Variants in PELI2 observed in about 807,000 individuals in gnomAD.
PELI2 encodes the protein E3 ubiquitin-protein ligase pellino homolog 2.
In PELI2, 23 loss-of-function variants were observed where a neutral mutation model predicts 42.3. The ratio of observed to expected loss-of-function variants is 0.54; its 90% CI spans 0.39 to 0.77. The LOEUF is 0.77. PELI2 is among the 30% of genes least tolerant of loss of function. PELI2 has a pLI of 0.00. For synonymous variants in PELI2, 245 were observed against 212.2 expected (o/e 1.15, Z -1.34); for missense variants, 463 against 553.2 (o/e 0.84, Z 1.64).
intron 1 of PELI2, among the ~76,000 whole-genome samples, chr14:56,158,916 C>G (rs1184821990): frequency 6.6e-6 from 1 of 152,074 alleles, no homozygotes; most frequent in Non-Finnish European, 1.5e-5. Flanking sequence ...TTAATATATA[C>G]TCATTTTTAA....
At chr14:56,250,124 T>A (rs1407819219) in intron 2 of PELI2, among the ~76,000 whole-genome samples, 4 of 152,134 alleles carry the variant, frequency 2.6e-5, no homozygotes, top group Non-Finnish European at 5.9e-5. Context: ...TGCCCAAACT[T>A]TGGCTTCAAG....
At chr14:56,232,117 A>G (rs1396045544) in intron 2 of PELI2, among the ~76,000 whole-genome samples, 2 of 152,318 alleles carry the variant, frequency 1.3e-5, no homozygotes, top group East Asian at 1.9e-4. Context: ...GCAATAATTA[A>G]TAGCTTACCA....
chr14:56,255,741 A>C (rs1466350940), intron 2 of PELI2, among the ~76,000 whole-genome samples: 1 of 152,178 alleles, frequency 6.6e-6, no homozygotes, highest in African/African-American at 2.4e-5. Context: ...TGGTGTGATC[A>C]GGTGTGTCAT....
intron 2 of PELI2, among the ~76,000 whole-genome samples, chr14:56,233,590 A>G (rs928655767): frequency 2.0e-5 from 3 of 152,244 alleles, no homozygotes; most frequent in Non-Finnish European, 4.4e-5. Context: ...CTCACAGCTT[A>G]TACAAAAATT....
chr14:56,214,181 C>T (rs1211790735), intron 2 of PELI2, among the ~76,000 whole-genome samples: 1 of 152,066 alleles, frequency 6.6e-6, no homozygotes, highest in Non-Finnish European at 1.5e-5. Context: ...GACTCATTTA[C>T]AAGATTTGTC....
In PELI2 at chr14:56,270,057, C is replaced by T. The variant is rs74625738; in HGVS notation, c.208-9619C>T. Among the ~76,000 whole-genome samples the T allele has an allele frequency of 5.7e-3, 862 of 152,300 alleles. 5 individuals are homozygous for T. The highest frequency in any genetic ancestry group is 8.4e-3 in the Admixed American group (129 of 15,292). ...TGTCTGTGCTTGCTGATAGATTGAG[C>T]GTGCCTGCCCCAGCCCTGTCCAGCA... is the stretch of plus-strand genomic sequence containing the variant. On this transcript the variant is annotated intron_variant, in intron 2 of 5. Coordinates refer to ENST00000267460, the MANE Select transcript of PELI2 (RefSeq NM_021255.3).
Position 56,143,622 on chromosome 14 carries a change from G to GT in PELI2, c.77+24891dup, listed in dbSNP as rs200252111. Among the ~76,000 whole-genome samples the GT allele has an allele frequency of 7.2e-3, 1,092 of 152,268 alleles. 16 individuals carry two copies. The highest frequency in any genetic ancestry group is 0.025 in the African/African-American group (1,040 of 41,540). ...TCTCCTTCATTTAAATATTTATTCA[G>GT]TTTTTTATATCAAAATGGAGTTTGG... On this transcript the variant is annotated intron_variant, in intron 1 of 5. Transcript: ENST00000267460.
At chr14:56,155,582 ATT>A (rs5808846) in intron 1 of PELI2, among the ~76,000 whole-genome samples, 171 of 127,864 alleles carry the variant, frequency 1.3e-3, no homozygotes, top group East Asian at 3.3e-3. Flanking sequence ...CAAGTAATAC[ATT>A]TTTTTTTTTT....
chr14:56,274,302 T>C (rs2139861921), intron 2 of PELI2, among the ~76,000 whole-genome samples: 1 of 152,338 alleles, frequency 6.6e-6, no homozygotes, highest in Non-Finnish European at 1.5e-5. Flanking sequence ...TTATAGAGCT[T>C]GAATTAAATG....
chr14:56,283,098 A>G lies in PELI2; in HGVS notation c.309+3321A>G, dbSNP rs553152928. ...GAATCTTGTTTCTTCGGAATTTTTC[A>G]GAGTTTCATAGATATTCTTTAGCGA... On this transcript the variant is annotated intron_variant, in intron 3 of 5. Transcript: ENST00000267460. Among the ~76,000 whole-genome samples, 13 of 152,288 alleles carry G rather than the reference A, an allele frequency of 8.5e-5. No individual in the cohort carries two copies. In the East Asian group the frequency reaches 1.7e-3, roughly 20 times the overall value.
intron 2 of PELI2, among the ~76,000 whole-genome samples, chr14:56,271,980 T>C (rs989680046): frequency 3.3e-5 from 5 of 152,224 alleles, no homozygotes; most frequent in African/African-American, 7.2e-5. Context: ...CGTTCAGATA[T>C]GTGGTGCAGA....
At chr14:56,293,816 A>G (rs1188706503) in intron 5 of PELI2, among the ~76,000 whole-genome samples, 1 of 152,218 alleles carries the variant, frequency 6.6e-6, no homozygotes, top group East Asian at 1.9e-4. Context: ...CCAGATTTAT[A>G]ATAAGACTTT....
At chr14:56,120,747 T>C (rs1883031398) in intron 1 of PELI2, among the ~76,000 whole-genome samples, 1 of 152,124 alleles carries the variant, frequency 6.6e-6, no homozygotes. Flanking sequence ...CAATTTCAGG[T>C]GCAGCCAAGT....
At chr14:56,239,900 G>A (rs1887915816) in intron 2 of PELI2, among the ~76,000 whole-genome samples, 1 of 152,152 alleles carries the variant, frequency 6.6e-6, no homozygotes, top group Admixed American at 6.5e-5. Context: ...TGACAAGGAG[G>A]ATGGATAATG....
At chr14:56,268,817 A>G (rs1220445147) in intron 2 of PELI2, among the ~76,000 whole-genome samples, 1 of 152,038 alleles carries the variant, frequency 6.6e-6, no homozygotes, top group Admixed American at 6.5e-5. Flanking sequence ...GTGATTTCAG[A>G]GCATTGCCTC....
rs1890061797 is a variant in PELI2, at chr14:56,297,815, C to G, written c.*649C>G. On this transcript the variant is annotated 3_prime_UTR_variant, in exon 6 of 6. Transcript: ENST00000267460. ...GTGGAATTTACTTTAGATATTCATTCATCAAATACATGGGACTTCACAAAC... is the reference window on the plus strand; with the variant it reads ...GTGGAATTTACTTTAGATATTCATTGATCAAATACATGGGACTTCACAAAC... The G allele has an allele frequency of 6.7e-6, 1 of 150,004 alleles. No individual in the cohort carries two copies. The highest frequency in any genetic ancestry group is 2.1e-4 in the South Asian group (1 of 4,774). 9.3% of individuals were successfully genotyped at this position (150,004 alleles called of 1,614,324 possible).
intron 1 of PELI2, among the ~76,000 whole-genome samples, chr14:56,175,403 T>C (rs80237208): frequency 0.11 from 17,510 of 152,304 alleles, 1,316 homozygotes; most frequent in Middle Eastern, 0.17. Context: ...ATTTATCATA[T>C]TTGTTATTGT....
At chr14:56,192,993 A>G (rs912332529) in intron 2 of PELI2, among the ~76,000 whole-genome samples, 1 of 152,230 alleles carries the variant, frequency 6.6e-6, no homozygotes, top group Non-Finnish European at 1.5e-5. Flanking sequence ...TCTGGCAGGC[A>G]GTGTGGCAAA....
chr14:56,198,010 ACACC>A (rs57599256), intron 2 of PELI2, among the ~76,000 whole-genome samples: 15 of 114,616 alleles, frequency 1.3e-4, no homozygotes, highest in East Asian at 2.2e-4. Context: ...ACACACACAC[ACACC>A]CACCTCTTTG....
Sources: allele counts gnomAD v4.1 joint callset (sites outside exome capture counted in the v4.1 genomes callset), GRCh38; gene constraint gnomAD v4.1.1; transcripts MANE v1.5; gene names NCBI Gene and HGNC (gene_info 2026-07-23, HGNC 2026-07-21).